The following RYR2 variants were observed in gnomAD, a reference collection of about 807,000 sequenced individuals.
RYR2 encodes the protein cardiac muscle ryanodine receptor-calcium release channel.
RYR2 carries 227 observed loss-of-function variants against 601.1 expected under a neutral mutation model. The ratio of observed to expected loss-of-function variants is 0.38; its 90% CI spans 0.34 to 0.42. The LOEUF (loss-of-function observed/expected upper bound fraction) is 0.42, where lower values mean the gene tolerates loss of function less well. Among genes scored for constraint, RYR2 ranks in the 10% least tolerant of loss-of-function variants. The pLI, the probability that RYR2 is intolerant of heterozygous loss-of-function variation, is 1.00. For missense variants in RYR2, 4,646 were observed against 6,156.5 expected (o/e 0.75, Z 8.21); for synonymous variants, 2,223 against 2,175.1 (o/e 1.02, Z -0.61).
intron 49 of RYR2, among the ~76,000 whole-genome samples, chr1:237,649,335 A>G (rs1682485855): frequency 6.6e-6 from 1 of 152,194 alleles, no homozygotes; most frequent in Non-Finnish European, 1.5e-5. Flanking sequence ...ACAAAAATGA[A>G]ATGAAAATTT....
intron 77 of RYR2, among the ~76,000 whole-genome samples, chr1:237,731,827 A>C (rs569596416): frequency 6.8e-4 from 104 of 152,116 alleles, no homozygotes; most frequent in Non-Finnish European, 1.3e-3. Flanking sequence ...ACACATATAC[A>C]TACAAGCTTT....
At chr1:237,826,907 A>G (rs7527975) in intron 101 of RYR2, among the ~76,000 whole-genome samples, 2,769 of 152,280 alleles carry the variant, frequency 0.018, 94 homozygotes, top group African/African-American at 0.063. Flanking sequence ...TACCCAGGCA[A>G]TCTGCATCCA....
At chr1:237,708,452 G>A (rs1158829811) in intron 68 of RYR2, among the ~76,000 whole-genome samples, 1 of 152,172 alleles carries the variant, frequency 6.6e-6, no homozygotes, top group African/African-American at 2.4e-5. Context: ...TTGTGCCAAG[G>A]ATGGGGATAG....
At chr1:237,418,399 TG>T (rs1705227090) in intron 11 of RYR2, among the ~76,000 whole-genome samples, 1 of 152,182 alleles carries the variant, frequency 6.6e-6, no homozygotes, top group Admixed American at 6.5e-5. Context: ...CTAATGGTGA[TG>T]AGAATAGTTT....
In RYR2 at chr1:237,655,950, G is replaced by C. The variant is rs1683204320; in HGVS notation, c.8095G>C (p.Gly2699Arg). Residue 2699 changes from glycine to arginine, a missense_variant, in exon 53 of 105, where the codon GGG becomes CGG. Physicochemically the swap from Gly to Arg is moderately radical, Grantham distance 125. This residue lies in a region of RYR2 where 1,497 missense variants were observed against 1,842.6 expected (regional missense o/e 0.81). Coordinates refer to ENST00000366574, the MANE Select transcript of RYR2 (RefSeq NM_001035.3). ...MEKQSSMDSEGNFNPQPVDTS... is the reference protein window; with the variant it reads ...MEKQSSMDSERNFNPQPVDTS... ...AAAACAGTCATCAATGGATTCTGAA[G>C]GGAACTTTAACCCACAACCTGTTGA... 1 of 1,613,336 alleles carries C rather than the reference G, an allele frequency of 6.2e-7. No individual in the cohort carries two copies. The highest frequency in any genetic ancestry group is 1.3e-5 in the African/African-American group (1 of 74,876).
intron 1 of RYR2, among the ~76,000 whole-genome samples, chr1:237,069,016 T>G (rs1337698867): frequency 6.6e-6 from 1 of 152,174 alleles, no homozygotes; most frequent in Non-Finnish European, 1.5e-5. Context: ...GTTATAAATG[T>G]AAGAAAAGTT....
At chr1:237,691,696 A>T (rs909546779) in intron 63 of RYR2, among the ~76,000 whole-genome samples, 1 of 152,376 alleles carries the variant, frequency 6.6e-6, no homozygotes, top group East Asian at 1.9e-4. Flanking sequence ...GGTATTACCC[A>T]TAGAATTCTG....
chr1:237,772,007 C>G lies in RYR2; in HGVS notation c.11558-5C>G. ...GCATTAATAACATTTTTTTATCTTGCATAGATTTTCAGAATTATCTGAGAA... is the reference window on the plus strand; with the variant it reads ...GCATTAATAACATTTTTTTATCTTGGATAGATTTTCAGAATTATCTGAGAA... On this transcript the variant is annotated splice_region_variant and splice_polypyrimidine_tract_variant and intron_variant, in intron 85 of 104. Transcript: ENST00000366574. 6.7e-7 allele frequency: 1 copy of G among 1,488,506 alleles called. No individual in the cohort carries two copies. The highest frequency in any genetic ancestry group is 1.2e-5 in the South Asian group (1 of 82,732). 92.2% of individuals were successfully genotyped at this position (1,488,506 alleles called of 1,614,324 possible). A position where few individuals can be genotyped will look rare whatever the true frequency, so the allele number is the denominator to read the frequency against.
intron 100 of RYR2, among the ~76,000 whole-genome samples, chr1:237,818,418 C>T (rs996681811): frequency 6.6e-6 from 1 of 152,112 alleles, no homozygotes; most frequent in African/African-American, 2.4e-5. Context: ...GTGAACCCCT[C>T]ATTTTTTAGC....
intron 17 of RYR2, among the ~76,000 whole-genome samples, chr1:237,490,503 G>A (rs899926954): frequency 6.0e-5 from 9 of 151,138 alleles, no homozygotes; most frequent in East Asian, 1.9e-4. Context: ...TTGTTTCTAC[G>A]TTTTTAGTAA....
intron 29 of RYR2, among the ~76,000 whole-genome samples, chr1:237,582,260 AC>A: frequency 7.8e-6 from 1 of 128,564 alleles, no homozygotes; most frequent in Admixed American, 7.9e-5. Flanking sequence ...TGGCCACCAC[AC>A]CCAGATAATT....
At chr1:237,543,424 A>G (rs1235705365) in intron 25 of RYR2, among the ~76,000 whole-genome samples, 1 of 152,224 alleles carries the variant, frequency 6.6e-6, no homozygotes, top group Non-Finnish European at 1.5e-5. Flanking sequence ...GATTCTGAAT[A>G]TTCTCTATAT....
At chr1:237,183,920 A>G (rs1679054974) in intron 1 of RYR2, among the ~76,000 whole-genome samples, 1 of 152,238 alleles carries the variant, frequency 6.6e-6, no homozygotes, top group Non-Finnish European at 1.5e-5. Flanking sequence ...AAATTGCTTC[A>G]TATTGCATAT....
At chr1:237,307,070 G>A (rs59008456) in intron 2 of RYR2, among the ~76,000 whole-genome samples, 8,231 of 152,156 alleles carry the variant, frequency 0.054, 452 homozygotes, top group African/African-American at 0.14. Flanking sequence ...TATGTCCTCT[G>A]TCACAAGATC....
chr1:237,777,002 A>G (rs1392662773), intron 87 of RYR2, among the ~76,000 whole-genome samples: 1 of 152,104 alleles, frequency 6.6e-6, no homozygotes, highest in African/African-American at 2.4e-5. Context: ...CCATATAAGA[A>G]ACACATCTTT....
chr1:237,480,400 A>G (rs1396513888), intron 17 of RYR2, among the ~76,000 whole-genome samples: 1 of 149,818 alleles, frequency 6.7e-6, no homozygotes, highest in Non-Finnish European at 1.5e-5. Flanking sequence ...AAAAAAAAAA[A>G]GAATATCTTG....
At chr1:237,803,117 G>C (rs1660164228) in intron 98 of RYR2, among the ~76,000 whole-genome samples, 1 of 152,062 alleles carries the variant, frequency 6.6e-6, no homozygotes, top group African/African-American at 2.4e-5. Context: ...ATAATATTTA[G>C]CATAAGTATG....
intron 8 of RYR2, among the ~76,000 whole-genome samples, chr1:237,378,004 C>T (rs537987013): frequency 6.6e-6 from 1 of 152,242 alleles, no homozygotes; most frequent in East Asian, 1.9e-4. Flanking sequence ...TGTTTTCATG[C>T]TGATGATAAA....
intron 48 of RYR2, among the ~76,000 whole-genome samples, chr1:237,643,815 C>T (rs903625199): frequency 2.6e-5 from 4 of 152,014 alleles, no homozygotes; most frequent in Admixed American, 2.0e-4. Flanking sequence ...GGGGTTTCAC[C>T]GTGTTAGCCA....
Sources: allele counts gnomAD v4.1 joint callset (sites outside exome capture counted in the v4.1 genomes callset), GRCh38; gene constraint gnomAD v4.1.1; regional missense constraint gnomAD v4.1.1; transcripts MANE v1.5; gene names NCBI Gene and HGNC (gene_info 2026-07-23, HGNC 2026-07-21).